Variants in CBLB observed in about 807,000 individuals in gnomAD.
The protein encoded by CBLB is E3 ubiquitin-protein ligase CBL-B.
Under a neutral mutation model 104.9 loss-of-function variants are expected in CBLB, and 31 were observed. That is an observed-to-expected ratio of 0.30 (90% CI 0.22 to 0.40). CBLB has a LOEUF of 0.40. Among genes scored for constraint, CBLB ranks in the 10% least tolerant of loss-of-function variants. CBLB has a pLI of 1.00. For missense variants in CBLB, 1,062 were observed against 1,214.6 expected (o/e 0.87, Z 1.87); for synonymous variants, 440 against 422.6 (o/e 1.04, Z -0.51).
At chr3:105,711,732 AT>A (rs563610031) in intron 10 of CBLB, among the ~76,000 whole-genome samples, 2 of 151,310 alleles carry the variant, frequency 1.3e-5, no homozygotes, top group African/African-American at 2.4e-5. Context: ...TAGGAGGAAC[AT>A]TTTTTTTTCT....
chr3:105,686,102 G>A lies in CBLB; in HGVS notation c.2055-636C>T, dbSNP rs146679954. On this transcript the variant is annotated intron_variant, in intron 13 of 18. Transcript: ENST00000394030. ...GTCTTTGAAGTACATTATTTTTATGGTTTAAATTCCCTGGCTAAATAAAAG... is the reference window on the plus strand; with the variant it reads ...GTCTTTGAAGTACATTATTTTTATGATTTAAATTCCCTGGCTAAATAAAAG... Among the ~76,000 whole-genome samples, 236 of 152,204 alleles carry A rather than the reference G, an allele frequency of 1.6e-3. 3 individuals carry two copies. Among genetic ancestry groups the A allele is most frequent in the African/African-American group, 3.9e-3 (164 of 41,560 alleles).
chr3:105,834,287 G>A (rs956259714), intron 3 of CBLB, among the ~76,000 whole-genome samples: 3 of 152,178 alleles, frequency 2.0e-5, no homozygotes, highest in African/African-American at 7.2e-5. Context: ...TAATTAGCTT[G>A]ATTTAGCCAT....
In CBLB at chr3:105,786,215, T is replaced by C. The variant is rs542070750; in HGVS notation, c.420-9673A>G. On this transcript the variant is annotated intron_variant, in intron 3 of 18. Transcript: ENST00000394030. ...TAAATAGGAAAACAAATACAGGATA[T>C]ACACAAAAAGGCATTATCAATAGTA... is the stretch of plus-strand genomic sequence containing the variant. Among the ~76,000 whole-genome samples, 268 of 152,258 alleles carry C rather than the reference T, an allele frequency of 1.8e-3. 1 individual carries two copies. Among genetic ancestry groups the C allele is most frequent in the Non-Finnish European group, 2.5e-3 (169 of 67,998 alleles).
At chr3:105,670,084 G>T in intron 18 of CBLB, 149 bp downstream of exon 18, 2 of 692,480 alleles carry the variant, frequency 2.9e-6, no homozygotes, top group Non-Finnish European at 2.4e-6. Context: ...CACAATGCCA[G>T]CTTTATAAGC....
At chr3:105,715,674 A>T (rs2071747565) in intron 10 of CBLB, among the ~76,000 whole-genome samples, 1 of 152,210 alleles carries the variant, frequency 6.6e-6, no homozygotes, top group African/African-American at 2.4e-5. Context: ...GAAACAATGG[A>T]ACCATTCTGT....
rs772791305 is a variant in CBLB at position 105,670,302 on chromosome 3, T to G, written c.2620A>C (p.Arg874=). The G allele has an allele frequency of 1.2e-6, 2 of 1,610,104 alleles. No individual in the cohort carries two copies. The highest frequency in any genetic ancestry group is 2.2e-5 in the East Asian group (1 of 44,808). The change falls in exon 18 of 19, where the codon AGG becomes CGG. Residue 874 remains arginine (R), a synonymous_variant. Transcript: ENST00000394030. ...SGQVPLPPAR[R]LPGENVKTNR... ...GTTTTGACATTTTCACCTGGTAACC[T>G]TCTAGCAGGAGGCAAAGGAACTTGG...
chr3:105,795,423 A>G (rs867328145), intron 3 of CBLB, among the ~76,000 whole-genome samples: 2 of 152,352 alleles, frequency 1.3e-5, no homozygotes, highest in Admixed American at 6.5e-5. Context: ...AGATATGTGG[A>G]AATATTACAT....
At chr3:105,753,883 C>T (rs530408942) in intron 4 of CBLB, among the ~76,000 whole-genome samples, 3 of 152,148 alleles carry the variant, frequency 2.0e-5, no homozygotes, top group Admixed American at 6.5e-5. Flanking sequence ...GTCTAATGTA[C>T]CCCTTCATAA....
At chr3:105,686,503 T>C (rs951856876) in intron 13 of CBLB, among the ~76,000 whole-genome samples, 2 of 151,666 alleles carry the variant, frequency 1.3e-5, no homozygotes, top group Non-Finnish European at 2.9e-5. Context: ...GCACCTTCTA[T>C]AGAGGGAGCA....
At chr3:105,825,275 G>A (rs1375972002) in intron 3 of CBLB, among the ~76,000 whole-genome samples, 1 of 152,172 alleles carries the variant, frequency 6.6e-6, no homozygotes, top group Non-Finnish European at 1.5e-5. Flanking sequence ...TTTAGAACCA[G>A]AGTGGGATAA....
chr3:105,762,998 C>T (rs549365258), intron 4 of CBLB, among the ~76,000 whole-genome samples: 1 of 152,168 alleles, frequency 6.6e-6, no homozygotes, highest in African/African-American at 2.4e-5. Flanking sequence ...CAACAGCGTG[C>T]CCTGGACGTG....
chr3:105,795,038 CA>C (rs2082104909), intron 3 of CBLB, among the ~76,000 whole-genome samples: 1 of 151,952 alleles, frequency 6.6e-6, no homozygotes, highest in Non-Finnish European at 1.5e-5. Flanking sequence ...CTCAGCCTCC[CA>C]AGTAGCTGGG....
At chr3:105,684,564 T>C (rs2066762930) in intron 14 of CBLB, among the ~76,000 whole-genome samples, 1 of 152,054 alleles carries the variant, frequency 6.6e-6, no homozygotes, top group Admixed American at 6.5e-5. Flanking sequence ...ATTCTTTTTT[T>C]TTTTTTGAGA....
At chr3:105,696,740 T>C (rs143887950) in intron 12 of CBLB, among the ~76,000 whole-genome samples, 11 of 152,044 alleles carry the variant, frequency 7.2e-5, no homozygotes, top group Non-Finnish European at 1.5e-4. Context: ...TAAATATTCT[T>C]TCCTGCCTAC....
At chr3:105,697,174 G>C (rs1338239205) in intron 12 of CBLB, among the ~76,000 whole-genome samples, 1 of 151,864 alleles carries the variant, frequency 6.6e-6, no homozygotes, top group Non-Finnish European at 1.5e-5. Context: ...TACTCATATA[G>C]CTGAATTAGG....
At chr3:105,727,947 C>T (rs148769222) in intron 9 of CBLB, among the ~76,000 whole-genome samples, 1 of 152,094 alleles carries the variant, frequency 6.6e-6, no homozygotes, top group Non-Finnish European at 1.5e-5. Context: ...TTACTGTAGC[C>T]TTGCAGTATA....
intron 14 of CBLB, 107 bp from the exon 15 acceptor site, chr3:105,681,925 A>C (rs1376301087): frequency 2.8e-6 from 2 of 711,254 alleles, no homozygotes; most frequent in Non-Finnish European, 4.9e-6. Context: ...TAAAGTTTGA[A>C]CATATATTTT....
chr3:105,794,681 G>A (rs2082058045), intron 3 of CBLB, among the ~76,000 whole-genome samples: 1 of 152,220 alleles, frequency 6.6e-6, no homozygotes, highest in South Asian at 2.1e-4. Context: ...TAGGCAAGAC[G>A]TTCTTGTGAG....
intron 3 of CBLB, among the ~76,000 whole-genome samples, chr3:105,795,814 G>T (rs2082194847): frequency 6.6e-6 from 1 of 152,054 alleles, no homozygotes; most frequent in South Asian, 2.1e-4. Flanking sequence ...CGCCATCTCG[G>T]CTCACTGCAA....
Sources: gnomAD v4.1 joint callset for allele counts (sites outside exome capture counted in the v4.1 genomes callset) on GRCh38, gnomAD v4.1.1 for gene constraint, MANE v1.5 for transcripts, NCBI Gene and HGNC (gene_info 2026-07-23, HGNC 2026-07-21) for gene names.